The following FAM107B variants were observed in gnomAD, a reference collection of about 807,000 sequenced individuals.
FAM107B encodes the protein family with sequence similarity 107 member B, also known as protein FAM107B.
In FAM107B, 21 loss-of-function variants were observed where a neutral mutation model predicts 31.5. The observed-to-expected ratio is 0.67, with a 90% CI of 0.47 to 0.96. The LOEUF is 0.96. Ranked by LOEUF, FAM107B falls within the 40% of genes least tolerant of loss-of-function variation. FAM107B has a pLI of 0.00. For synonymous variants in FAM107B, 157 were observed against 141.5 expected, an observed-to-expected ratio of 1.11 and a Z score of -0.78; for missense variants, 452 against 377.1, an observed-to-expected ratio of 1.20 and a Z score of -1.64.
chr10:14,571,050 T>C (rs541748370), intron 2 of FAM107B, among the ~76,000 whole-genome samples: 1 of 152,248 alleles, frequency 6.6e-6, no homozygotes, highest in Non-Finnish European at 1.5e-5. Context: ...GGCTGGGAAG[T>C]CCAAGATCAA....
intron 1 of FAM107B, among the ~76,000 whole-genome samples, chr10:14,708,892 ATAGATGT>A (rs761199777): frequency 0.29 from 41,293 of 140,284 alleles, 6,147 homozygotes; most frequent in Middle Eastern, 0.43. Context: ...GATGCTCAAT[ATAGATGT>A]CATTAGGGAA....
intron 2 of FAM107B, among the ~76,000 whole-genome samples, chr10:14,598,702 G>C (rs187978517): frequency 2.1e-4 from 32 of 152,318 alleles, no homozygotes; most frequent in African/African-American, 7.2e-4. Flanking sequence ...CTCATGTTAA[G>C]TGCTCTTATC....
chr10:14,744,792 TTGGCC>T (rs1832692118), intron 1 of FAM107B, among the ~76,000 whole-genome samples: 1 of 152,158 alleles, frequency 6.6e-6, no homozygotes. Context: ...ACCAGGGATA[TTGGCC>T]TGAAGTTTTC....
chr10:14,660,701 A>G (rs375854760), intron 2 of FAM107B, among the ~76,000 whole-genome samples: 17 of 152,240 alleles, frequency 1.1e-4, no homozygotes, highest in East Asian at 5.8e-4. Flanking sequence ...GTATATGTGC[A>G]TGGTGCTTGG....
intron 2 of FAM107B, among the ~76,000 whole-genome samples, chr10:14,545,415 A>T (rs1464774449): frequency 6.6e-6 from 1 of 152,216 alleles, no homozygotes; most frequent in African/African-American, 2.4e-5. Flanking sequence ...TAACATCCCC[A>T]TTAATATATC....
intron 2 of FAM107B, among the ~76,000 whole-genome samples, chr10:14,660,076 C>T (rs967461814): frequency 1.3e-5 from 2 of 152,108 alleles, no homozygotes; most frequent in Admixed American, 6.5e-5. Flanking sequence ...TTCTAGGTGA[C>T]CTTTAGCAAA....
chr10:14,542,750 C>T (rs1848337395), intron 2 of FAM107B: 1 of 152,216 alleles, frequency 6.6e-6, no homozygotes, highest in Admixed American at 6.5e-5. Flanking sequence ...ATACCCATTT[C>T]TCTAACCAAC....
intron 1 of FAM107B, among the ~76,000 whole-genome samples, chr10:14,755,740 T>A (rs566593096): frequency 6.6e-6 from 1 of 152,298 alleles, no homozygotes; most frequent in African/African-American, 2.4e-5. Context: ...ATCTTTAAGA[T>A]GATGAGGAAA....
At chr10:14,753,942 C>CTT (rs199813069) in intron 1 of FAM107B, among the ~76,000 whole-genome samples, 9 of 134,122 alleles carry the variant, frequency 6.7e-5, no homozygotes, top group Non-Finnish European at 1.1e-4. Flanking sequence ...TCTTTTTTTT[C>CTT]TTTTTTTTTT....
At chr10:14,706,452 T>C (rs910876009) in intron 1 of FAM107B, among the ~76,000 whole-genome samples, 5 of 152,166 alleles carry the variant, frequency 3.3e-5, no homozygotes, top group African/African-American at 1.2e-4. Flanking sequence ...GGTCTTGAAC[T>C]CCTGGCCTCA....
At position 14,689,521 on chromosome 10, in the gene FAM107B, C is replaced by T. The variant is rs1855076223; in HGVS notation, c.412-21830G>A. On this transcript the variant is annotated intron_variant, in intron 1 of 4. Coordinates refer to ENST00000181796, the MANE Select transcript of FAM107B (RefSeq NM_031453.4). Reference sequence around the variant, plus strand: ...GTCCTGAGGAAAGACACCTTCTGGCCTGACGGTAATGAGAGGTAAGTACGA... The same window carrying T: ...GTCCTGAGGAAAGACACCTTCTGGCTTGACGGTAATGAGAGGTAAGTACGA... Among the ~76,000 whole-genome samples, 5 of 152,242 alleles carry T rather than the reference C, an allele frequency of 3.3e-5. No individual in the cohort carries two copies. The South Asian group carries it at 8.3e-4, about 25-fold the overall frequency.
rs1320306364 is a variant in FAM107B, at chr10:14,520,054, C to T, written c.*1136G>A. On this transcript the variant is annotated 3_prime_UTR_variant, in exon 5 of 5. Coordinates refer to ENST00000181796, the MANE Select transcript of FAM107B (RefSeq NM_031453.4). ...TAGTCATCGACATCATCCTTATCAA[C>T]AGCATCATCACTCAGACAGTGGTGA... The T allele has an allele frequency of 2.0e-5, 3 of 152,624 alleles. No individual in the cohort carries two copies. Among genetic ancestry groups the T allele is most frequent in the Admixed American group, 6.5e-5 (1 of 15,276 alleles). The allele number at this position is 152,624 out of a possible 1,614,324, so 9.5% of individuals were successfully genotyped here. A position where few individuals can be genotyped will look rare whatever the true frequency, so the allele number is the denominator to read the frequency against.
chr10:14,668,723 G>A (rs1854468872), intron 1 of FAM107B, among the ~76,000 whole-genome samples: 1 of 152,058 alleles, frequency 6.6e-6, no homozygotes, highest in Admixed American at 6.6e-5. Context: ...TATTTCTGTG[G>A]GATCTTAACC....
intron 1 of FAM107B, among the ~76,000 whole-genome samples, chr10:14,752,576 G>A (rs183438069): frequency 6.6e-6 from 1 of 152,276 alleles, no homozygotes; most frequent in Admixed American, 6.5e-5. Context: ...TAATCGCATC[G>A]TGTATGTGGG....
chr10:14,758,226 G>T (rs1319099282), intron 1 of FAM107B, among the ~76,000 whole-genome samples: 1 of 152,130 alleles, frequency 6.6e-6, no homozygotes, highest in Non-Finnish European at 1.5e-5. Context: ...GCAATGGCCA[G>T]GAATCCTTCA....
intron 1 of FAM107B, among the ~76,000 whole-genome samples, chr10:14,729,187 T>C (rs1856107078): frequency 6.6e-6 from 1 of 151,980 alleles, no homozygotes; most frequent in African/African-American, 2.4e-5. Flanking sequence ...TTTGTAGAGA[T>C]GAGATTTCAG....
chr10:14,569,862 T>C (rs1851043370), intron 2 of FAM107B, among the ~76,000 whole-genome samples: 1 of 152,152 alleles, frequency 6.6e-6, no homozygotes, highest in Admixed American at 6.5e-5. Context: ...GTGTCAACAG[T>C]TTCAAGAACC....
At chr10:14,538,604 T>C (rs915002010) in intron 2 of FAM107B, among the ~76,000 whole-genome samples, 7 of 152,200 alleles carry the variant, frequency 4.6e-5, no homozygotes, top group Non-Finnish European at 7.3e-5. Context: ...CTGGAAAAGA[T>C]TGTTTCTGGA....
chr10:14,760,840 C>G (rs1001245227), intron 1 of FAM107B, among the ~76,000 whole-genome samples: 1 of 151,700 alleles, frequency 6.6e-6, no homozygotes, highest in Non-Finnish European at 1.5e-5. Context: ...GGTGAAACCC[C>G]GTCTCTACTA....
Sources: allele counts gnomAD v4.1 joint callset (sites outside exome capture counted in the v4.1 genomes callset), GRCh38; gene constraint gnomAD v4.1.1; transcripts MANE v1.5; gene names NCBI Gene and HGNC (gene_info 2026-07-23, HGNC 2026-07-21).